CP: variants seen among roughly 807,000 people sequenced by gnomAD.
CP encodes ceruloplasmin.
A neutral mutation model predicts 122.4 loss-of-function variants in CP; 64 were observed. That is an observed-to-expected ratio of 0.52 (90% CI 0.43 to 0.64). The LOEUF (loss-of-function observed/expected upper bound fraction) is 0.64, where lower values mean the gene tolerates loss of function less well. CP is among the 30% of genes least tolerant of loss of function. CP has a pLI of 0.00. For missense variants in CP, 1,167 were observed against 1,284.4 expected (o/e 0.91, Z 1.40); for synonymous variants, 440 against 436.4 (o/e 1.01, Z -0.10).
chr3:149,182,334 A>G (rs796683242), intron 13 of CP, among the ~76,000 whole-genome samples: 43 of 152,340 alleles, frequency 2.8e-4, no homozygotes, highest in African/African-American at 1.0e-3. Flanking sequence ...TAAGAGTTCT[A>G]GGGGAGGTTT....
At chr3:149,176,157 G>A in intron 18 of CP, 93 bp downstream of exon 18, 1 of 1,166,674 alleles carries the variant, frequency 8.6e-7, no homozygotes, top group Admixed American at 1.7e-5. Context: ...GCTTCATATT[G>A]ATGCATCATA....
At position 149,179,404 on chromosome 3, in the gene CP, G is replaced by T. The variant is rs915627059; in HGVS notation, c.2661+152C>A. 6.3e-5 allele frequency: 42 copies of T among 669,950 alleles called. No individual in the cohort carries two copies. The Admixed American group carries it at 7.0e-4, about 11-fold the overall frequency. The allele number at this position is 669,950 out of a possible 1,614,324, so 41.5% of individuals were successfully genotyped here. Reference sequence around the variant, plus strand: ...TTAGATTTTTGTCTTGTGTGTCATAGGTAGCAGCATAGTTGCTAAAGTAGA... The same window carrying T: ...TTAGATTTTTGTCTTGTGTGTCATATGTAGCAGCATAGTTGCTAAAGTAGA... On this transcript the variant is annotated intron_variant, in intron 15 of 18. Coordinates refer to ENST00000264613, the MANE Select transcript of CP (RefSeq NM_000096.4).
At chr3:149,165,447 T>C (rs1323513945) in intron 5 of CP, among the ~76,000 whole-genome samples, 2 of 151,998 alleles carry the variant, frequency 1.3e-5, no homozygotes. Flanking sequence ...AAATCTTTGC[T>C]GTTGAAGGAG....
chr3:149,208,111 C>A (rs1175054882), intron 4 of CP, among the ~76,000 whole-genome samples: 1 of 150,886 alleles, frequency 6.6e-6, no homozygotes, highest in Non-Finnish European at 1.5e-5. Flanking sequence ...TTAAAGATTG[C>A]AAGACAAAAT....
At chr3:149,180,337 C>T (rs925956452) in intron 14 of CP, among the ~76,000 whole-genome samples, 8 of 152,180 alleles carry the variant, frequency 5.3e-5, no homozygotes, top group African/African-American at 1.4e-4. Context: ...ATTTTGAAGA[C>T]GACCAGTTGC....
chr3:149,174,062 G>C (rs1380004274), intron 18 of CP, among the ~76,000 whole-genome samples: 1 of 152,156 alleles, frequency 6.6e-6, no homozygotes, highest in African/African-American at 2.4e-5. Context: ...CTGATATGGT[G>C]TACTAAGAAA....
At chr3:149,198,318 A>G (rs1576759510) in intron 9 of CP, 49 bp downstream of exon 9, 4 of 1,390,546 alleles carry the variant, frequency 2.9e-6, no homozygotes, top group African/African-American at 1.4e-5. Flanking sequence ...CTGTCAAATG[A>G]TCATTTTCAA....
chr3:149,181,979 A>ACCAC, intron 14 of CP, 26 bp downstream of exon 14: 6 of 515,792 alleles, frequency 1.2e-5, no homozygotes, highest in Non-Finnish European at 1.1e-5. Flanking sequence ...AAAATGCACC[A>ACCAC]CCCCCACCCC....
intron 4 of CP, among the ~76,000 whole-genome samples, chr3:149,207,888 C>G (rs190039903): frequency 6.6e-6 from 1 of 152,066 alleles, no homozygotes; most frequent in East Asian, 1.9e-4. Context: ...TTGTTATAAA[C>G]TGTACACATT....
intron 1 of CP, among the ~76,000 whole-genome samples, chr3:149,214,880 A>C (rs1340359188): frequency 6.6e-6 from 1 of 152,214 alleles, no homozygotes. Context: ...GACTGAGAGG[A>C]GGTCAATAAG....
downstream of CP, among the ~76,000 whole-genome samples, chr3:149,169,443 A>T (rs73866989): frequency 0.052 from 7,933 of 152,200 alleles, 681 homozygotes; most frequent in African/African-American, 0.18. Flanking sequence ...TGCAAGAGGG[A>T]GAGGTTGGAG....
At chr3:149,201,973 G>T in intron 7 of CP, 129 bp downstream of exon 7, 2 of 1,208,448 alleles carry the variant, frequency 1.7e-6, no homozygotes, top group Non-Finnish European at 2.4e-6. Context: ...GCATTTTATT[G>T]TTTTATCTTC....
chr3:149,189,553 CA>C (rs368946126), intron 9 of CP, among the ~76,000 whole-genome samples: 21,817 of 89,200 alleles, frequency 0.24, 2,538 homozygotes, highest in African/African-American at 0.46. Flanking sequence ...GACTCTATCT[CA>C]AAAAAAAAAA....
intron 1 of CP, among the ~76,000 whole-genome samples, chr3:149,218,990 A>G (rs1576792079): frequency 6.6e-6 from 1 of 152,194 alleles, no homozygotes; most frequent in African/African-American, 2.4e-5. Context: ...GTGATACTCC[A>G]TCATCCTTCA....
At chr3:149,165,239 A>G (rs971464848) in intron 5 of CP, among the ~76,000 whole-genome samples, 7 of 152,198 alleles carry the variant, frequency 4.6e-5, no homozygotes, top group African/African-American at 1.2e-4. Flanking sequence ...GCCTTCCTAG[A>G]TCATACACAC....
At position 149,185,426 on chromosome 3, in the gene CP, G is replaced by C. The variant is rs753058935; in HGVS notation, c.2098C>G (p.Leu700Val). 6.2e-7 allele frequency: 1 copy of C among 1,614,096 alleles called. No individual in the cohort carries two copies. Among genetic ancestry groups the C allele is most frequent in the South Asian group, 1.1e-5 (1 of 91,068 alleles). Reference protein sequence around the residue: ...DTEGTFNVECLTTDHYTGGMK... With the variant: ...DTEGTFNVECVTTDHYTGGMK... Reference sequence around the variant, plus strand: ...CCGCCTGTGTAATGATCAGTTGTAAGGCATTCAACATTAAAAGTCCCTGGA... The same window carrying C: ...CCGCCTGTGTAATGATCAGTTGTAACGCATTCAACATTAAAAGTCCCTGGA... Residue 700 changes from leucine (L) to valine (V), a missense_variant, in exon 12 of 19, where the codon CTT becomes GTT. Transcript: ENST00000264613.
chr3:149,184,576 A>G (rs986566750), intron 12 of CP, among the ~76,000 whole-genome samples: 3 of 152,154 alleles, frequency 2.0e-5, no homozygotes. Flanking sequence ...ATGGAGAGGA[A>G]AGTGCTTGGA....
chr3:149,212,563 G>T lies in CP; in HGVS notation c.282C>A (p.Gly94=), dbSNP rs935385901. The change falls in exon 2 of 19, where the codon GGC becomes GGA. Residue 94 remains glycine, a synonymous_variant. Transcript: ENST00000264613. ...CTCCAGTTTCAGCTTTGATAATAGG[G>T]CCTAAAAACCCAAGCCAGACCGGTT... ...IEKPVWLGFL[G]PIIKAETGDK... 1 of 1,613,838 alleles carries T rather than the reference G, an allele frequency of 6.2e-7. No homozygotes were observed. The highest frequency in any genetic ancestry group is 8.5e-7 in the Non-Finnish European group (1 of 1,179,976).
At position 149,185,147 on chromosome 3, in the gene CP, T is replaced by C. The variant is rs373464204; in HGVS notation, c.2285+92A>G. 239 of 1,209,022 alleles carry C rather than the reference T, an allele frequency of 2.0e-4. 3 individuals are homozygous for C. The South Asian group carries it at 3.0e-3, about 15-fold the overall frequency. 74.9% of individuals were successfully genotyped at this position (1,209,022 alleles called of 1,614,324 possible). A position where few individuals can be genotyped will look rare whatever the true frequency, so the allele number is the denominator to read the frequency against. The stretch of plus-strand genomic sequence containing the variant: ...GTTGTTATTGTTTAATGCAACTTTT[T>C]TTTTTTTCTAAAATTTGGTGTAATT... On this transcript the variant is annotated intron_variant, in intron 12 of 18. Coordinates refer to ENST00000264613, the MANE Select transcript of CP (RefSeq NM_000096.4).
Sources: allele counts gnomAD v4.1 joint callset (sites outside exome capture counted in the v4.1 genomes callset), GRCh38; gene constraint gnomAD v4.1.1; transcripts MANE v1.5; gene names NCBI Gene and HGNC (gene_info 2026-07-23, HGNC 2026-07-21).